Variants in POLDIP2 observed in about 807,000 individuals in gnomAD.
POLDIP2 encodes DNA polymerase delta interacting protein 2, also known as polymerase delta-interacting protein 2.
Under a neutral mutation model 52.9 loss-of-function variants are expected in POLDIP2, and 32 were observed. The observed-to-expected ratio is 0.61, with a 90% CI of 0.46 to 0.81. The LOEUF is 0.81. Ranked by LOEUF, POLDIP2 falls within the 40% of genes least tolerant of loss-of-function variation. The pLI is 0.00. For missense variants in POLDIP2, 371 were observed against 477.3 expected (o/e 0.78, Z 2.07); for synonymous variants, 183 against 183.0 (o/e 1.00, Z 0.00).
intron 1 of POLDIP2, 118 bp from the exon 2 acceptor site, chr17:28,355,994 G>T (rs1377515271): frequency 2.8e-6 from 2 of 723,522 alleles, no homozygotes; most frequent in Non-Finnish European, 4.8e-6. Context: ...AGAAGGGTTT[G>T]GGGTAGTGGG....
chr17:28,351,875 T>C (rs1473023482), intron 6 of POLDIP2, 75 bp from the exon 7 acceptor site: 2 of 1,365,868 alleles, frequency 1.5e-6, no homozygotes, highest in Non-Finnish European at 2.1e-6. Context: ...CACACAATAG[T>C]CCAGTGCGAT....
intron 3 of POLDIP2, 80 bp downstream of exon 3, chr17:28,354,408 T>G: frequency 1.0e-6 from 1 of 999,026 alleles, no homozygotes; most frequent in Non-Finnish European, 1.6e-6. Flanking sequence ...GGACGCTGTC[T>G]TCACCCCTAG....
At chr17:28,350,659 A>G in intron 8 of POLDIP2, 96 bp from the exon 9 acceptor site, 1 of 1,555,186 alleles carries the variant, frequency 6.4e-7, no homozygotes, top group African/African-American at 1.4e-5. Flanking sequence ...AAGCTGACAC[A>G]TGCACTGCAC....
chr17:28,349,248 A>C, intron 9 of POLDIP2, 86 bp from the exon 10 acceptor site: 1 of 912,942 alleles, frequency 1.1e-6, no homozygotes, highest in South Asian at 1.5e-5. Flanking sequence ...CTGCCAGTTC[A>C]TCAAGACTGG....
chr17:28,349,022 C>G, intron 10 of POLDIP2, 61 bp downstream of exon 10: 1 of 1,215,118 alleles, frequency 8.2e-7, no homozygotes, highest in Non-Finnish European at 1.2e-6. Context: ...TCTCACTTTT[C>G]TGACCTACAG....
At chr17:28,353,367 C>T (rs782392758) in intron 4 of POLDIP2, 51 bp from the exon 5 acceptor site, 28 of 1,011,722 alleles carry the variant, frequency 2.8e-5, no homozygotes, top group Non-Finnish European at 3.8e-5. Flanking sequence ...CTAAAAAGTA[C>T]AAAAATTAGG....
intron 1 of POLDIP2, 73 bp from the exon 2 acceptor site, chr17:28,355,949 C>T: frequency 8.5e-7 from 1 of 1,174,468 alleles, no homozygotes; most frequent in Non-Finnish European, 1.2e-6. Context: ...AGAAAAAGCT[C>T]CTAGGATACT....
rs1555580329 is a variant in POLDIP2 at position 28,353,145 on chromosome 17, T to C, written c.514+96A>G. ...CCTGATATCATACCTCTCAGCATCA[T>C]AATCCCTCCCAGTGGATGACAGGAC... On this transcript the variant is annotated intron_variant, in intron 5 of 10. Transcript: ENST00000540200. The C allele has an allele frequency of 9.2e-6, 7 of 764,156 alleles. No individual in the cohort carries two copies. In the African/African-American group the frequency reaches 1.2e-4, roughly 13 times the overall value. 47.3% of individuals were successfully genotyped at this position (764,156 alleles called of 1,614,324 possible). A position where few individuals can be genotyped will look rare whatever the true frequency, so the allele number is the denominator to read the frequency against.
rs139480661 is a variant in POLDIP2 at position 28,353,064 on chromosome 17, G to C, written c.515-45C>G. 20 of 810,004 alleles carry C rather than the reference G, an allele frequency of 2.5e-5. No individual in the cohort carries two copies. In the African/African-American group the frequency reaches 3.2e-4, roughly 13 times the overall value. The allele number at this position is 810,004 out of a possible 1,614,324, so 50.2% of individuals were successfully genotyped here. Reference sequence around the variant, plus strand: ...GACAGTGGTGAAACTCACAGGAGAGGAGAGAGATGGGGTTGAGAAGAAACA... The same window carrying C: ...GACAGTGGTGAAACTCACAGGAGAGCAGAGAGATGGGGTTGAGAAGAAACA... On this transcript the variant is annotated intron_variant, in intron 5 of 10. Coordinates refer to ENST00000540200, the MANE Select transcript of POLDIP2 (RefSeq NM_015584.5).
chr17:28,356,001 T>C lies in POLDIP2; in HGVS notation c.162-125A>G. On this transcript the variant is annotated intron_variant, in intron 1 of 10. Coordinates refer to ENST00000540200, the MANE Select transcript of POLDIP2 (RefSeq NM_015584.5). ...GACAGCAGAGAAGGGTTTGGGGTAG[T>C]GGGACCAGCTGGAGCAGGAAAGGCT... is the stretch of plus-strand genomic sequence containing the variant. The C allele has an allele frequency of 5.9e-6, 4 of 682,912 alleles. No individual in the cohort carries two copies. The East Asian group carries it at 1.1e-4, about 19-fold the overall frequency. The allele number at this position is 682,912 out of a possible 1,614,324, so 42.3% of individuals were successfully genotyped here. A position where few individuals can be genotyped will look rare whatever the true frequency, so the allele number is the denominator to read the frequency against.
intron 6 of POLDIP2, among the ~76,000 whole-genome samples, chr17:28,352,435 A>T (rs1555580170): frequency 6.6e-6 from 1 of 151,410 alleles, no homozygotes; most frequent in East Asian, 1.9e-4. Context: ...ACAGGGTTTC[A>T]CCACATTGGC....
rs782390762 is a variant in POLDIP2 at position 28,352,892 on chromosome 17, C to T, written c.622+20G>A. 6.2e-5 allele frequency: 92 copies of T among 1,489,462 alleles called. No homozygotes were observed. Among genetic ancestry groups the T allele is most frequent in the Non-Finnish European group, 8.6e-5 (92 of 1,070,562 alleles). 92.3% of individuals were successfully genotyped at this position (1,489,462 alleles called of 1,614,324 possible). On this transcript the variant is annotated intron_variant, in intron 6 of 10. Coordinates refer to ENST00000540200, the MANE Select transcript of POLDIP2 (RefSeq NM_015584.5). ...TGAAAAGGCCCTCCCATTCCACCTC[C>T]CCTTCTTGAGAGAGATTACCTTTTG...
intron 1 of POLDIP2, 90 bp from the exon 2 acceptor site, chr17:28,355,966 C>T: frequency 1.1e-6 from 1 of 938,312 alleles, no homozygotes; most frequent in Non-Finnish European, 1.7e-6. Flanking sequence ...TACTGAGGGG[C>T]CAGGGCGATG....
chr17:28,348,493 A>G (rs1907671854), intron 10 of POLDIP2, among the ~76,000 whole-genome samples: 1 of 152,202 alleles, frequency 6.6e-6, no homozygotes, highest in Admixed American at 6.5e-5. Context: ...ACCTGAGGTC[A>G]CCTGAGGTGG....
chr17:28,350,620 C>T, intron 8 of POLDIP2, 57 bp from the exon 9 acceptor site: 1 of 1,596,856 alleles, frequency 6.3e-7, no homozygotes, highest in Non-Finnish European at 8.6e-7. Flanking sequence ...TAACCCTCCT[C>T]AGAATTCTGT....
At position 28,348,139 on chromosome 17, in the gene POLDIP2, G is replaced by A. The variant is rs782770756; in HGVS notation, c.1085C>T (p.Pro362Leu). ...GGCCTACCAGTGAAGGCCTGAGGGT[G>A]GTGTCTTCTCATCTTTATTGCTTTC... is the stretch of plus-strand genomic sequence containing the variant. Reference protein sequence around the residue: ...SLESNKDEKTPPSGLHW With the variant: ...SLESNKDEKTLPSGLHW Residue 362 changes from proline to leucine, a missense_variant, in exon 11 of 11, where the codon CCA becomes CTA. Physicochemically the swap from Pro to Leu is moderately conservative, Grantham distance 98. Coordinates refer to ENST00000540200, the MANE Select transcript of POLDIP2 (RefSeq NM_015584.5). 1 of 1,611,586 alleles carries A rather than the reference G, an allele frequency of 6.2e-7. No individual in the cohort carries two copies. The highest frequency in any genetic ancestry group is 8.5e-7 in the Non-Finnish European group (1 of 1,177,684).
At chr17:28,350,599 T>C (rs782795106) in intron 8 of POLDIP2, 36 bp from the exon 9 acceptor site, 4 of 1,599,958 alleles carry the variant, frequency 2.5e-6, no homozygotes, top group Non-Finnish European at 3.4e-6. Context: ...TTAAAAAAAA[T>C]AAAATTTGGG....
In POLDIP2 at chr17:28,357,271, CT is replaced by C; in HGVS notation, c.161+16del. The C allele has an allele frequency of 6.4e-7, 1 of 1,563,798 alleles. No individual in the cohort carries two copies. Among genetic ancestry groups the C allele is most frequent in the South Asian group, 1.1e-5 (1 of 87,642 alleles). ...CTCCAGGCCCAGTTCCTCGCGCCCC[CT>C]GGCTCCGTCCCTCACCGGGACGAGA... On this transcript the variant is annotated intron_variant, in intron 1 of 10. Transcript: ENST00000540200.
rs1907943623 is a variant in POLDIP2, at chr17:28,354,559, G to C, written c.270C>G (p.Tyr90Ter). 2 of 1,560,926 alleles carry C rather than the reference G, an allele frequency of 1.3e-6. No homozygotes were observed. The highest frequency in any genetic ancestry group is 2.7e-5 in the African/African-American group (2 of 73,430). Reference protein sequence around the residue: ...GQLFLHSIFGYRGVVLFPWQA... With the variant: ...GQLFLHSIFG ...GCCAGGGAAACAGGACGACACCTCG[G>C]TAGCCAAAAATGCTATGAAGGAAAA... Residue 90 changes from tyrosine to a stop codon, truncating the protein, a stop_gained, in exon 3 of 11, where the codon TAC becomes TAG. Coordinates refer to ENST00000540200, the MANE Select transcript of POLDIP2 (RefSeq NM_015584.5). LOFTEE classifies it high-confidence loss of function.
Sources: gnomAD v4.1 joint callset for allele counts (sites outside exome capture counted in the v4.1 genomes callset) on GRCh38, gnomAD v4.1.1 for gene constraint, MANE v1.5 for transcripts, NCBI Gene and HGNC (gene_info 2026-07-23, HGNC 2026-07-21) for gene names.